COPB1: variants seen among roughly 807,000 people sequenced by gnomAD.
COPB1 encodes the protein coatomer subunit beta.
In COPB1, 21 loss-of-function variants were observed where a neutral mutation model predicts 108.7. The observed-to-expected ratio is 0.19, with a 90% CI of 0.14 to 0.28. The LOEUF is 0.28. COPB1 is among the 10% of genes least tolerant of loss of function. The probability of loss-of-function intolerance (pLI) is 1.00; values close to 1 mark genes in which losing one functional copy is unlikely to be tolerated. For synonymous variants in COPB1, 378 were observed against 386.8 expected (o/e 0.98, Z 0.27); for missense variants, 919 against 1,141.3 (o/e 0.81, Z 2.81).
intron 2 of COPB1, among the ~76,000 whole-genome samples, chr11:14,495,687 T>C (rs1851003203): frequency 6.6e-6 from 1 of 152,154 alleles, no homozygotes; most frequent in Non-Finnish European, 1.5e-5. Context: ...ATGGCAAAAA[T>C]ATACATTAAA....
intron 18 of COPB1, among the ~76,000 whole-genome samples, chr11:14,464,038 T>A (rs1455332380): frequency 6.6e-6 from 1 of 152,190 alleles, no homozygotes. Flanking sequence ...GTTTCCTCTC[T>A]CCACAGATAA....
chr11:14,470,319 G>A (rs1286786052), intron 14 of COPB1, among the ~76,000 whole-genome samples: 1 of 152,094 alleles, frequency 6.6e-6, no homozygotes, highest in East Asian at 1.9e-4. Flanking sequence ...ATTTCACCCT[G>A]TACTGCATCA....
intron 5 of COPB1, among the ~76,000 whole-genome samples, chr11:14,490,346 T>C (rs1194502668): frequency 6.6e-6 from 1 of 152,202 alleles, no homozygotes; most frequent in African/African-American, 2.4e-5. Context: ...CTAAAATGCC[T>C]CTTCAATGTT....
In COPB1 at chr11:14,494,383, G is replaced by A. The variant is rs1850971611; in HGVS notation, c.148C>T (p.Leu50=). The change falls in exon 3 of 22, where the codon CTG becomes TTG. Residue 50 remains leucine, a synonymous_variant. Coordinates refer to ENST00000439561, the MANE Select transcript of COPB1 (RefSeq NM_001144061.2). ...AGTCCAGGAAGTTTTTCACCATTCA[G>A]AATCATAATGATTACTTTCTTCAAA... is the stretch of plus-strand genomic sequence containing the variant. ...EALKKVIIMI[L]NGEKLPGLLM... is the part of the protein sequence containing the mutation. 1.9e-6 allele frequency: 3 copies of A among 1,612,154 alleles called. No individual in the cohort carries two copies. Among genetic ancestry groups the A allele is most frequent in the Non-Finnish European group, 2.5e-6 (3 of 1,178,838 alleles).
rs1188061910 is a variant in COPB1 at position 14,498,867 on chromosome 11, G to A, written c.62C>T (p.Pro21Leu). ...LINVPMDSEPPSEISLKNDLE... is the reference protein window; with the variant it reads ...LINVPMDSEPLSEISLKNDLE... ...ATCATTTTTTAAGCTAATTTCAGAT[G>A]GTGGTTCTGAATCCATTGGCACGTT... Residue 21 changes from proline (P) to leucine (L), a missense_variant, in exon 2 of 22, where the codon CCA becomes CTA. Pro to Leu is a moderately conservative substitution (Grantham distance 98, BLOSUM62 -3). This residue lies in a region of COPB1 where 92 missense variants were observed against 108.4 expected (regional missense o/e 0.85). Transcript: ENST00000439561. The A allele has an allele frequency of 1.2e-6, 2 of 1,606,698 alleles. No individual in the cohort carries two copies. Among genetic ancestry groups the A allele is most frequent in the Non-Finnish European group, 1.7e-6 (2 of 1,177,754 alleles).
In COPB1 at chr11:14,486,361, C is replaced by T. The variant is rs763338318; in HGVS notation, c.837+6G>A. 2.0e-5 allele frequency: 32 copies of T among 1,613,954 alleles called. No homozygotes were observed. The highest frequency in any genetic ancestry group is 2.5e-5 in the Non-Finnish European group (30 of 1,179,948). ...CTAATCTGGCCCCAAAAGAAATACA[C>T]AGTACCTTGATTGCAGTTGGTGCAC... On this transcript the variant is annotated splice_donor_region_variant and intron_variant, in intron 7 of 21. Transcript: ENST00000439561.
intron 2 of COPB1, 42 bp downstream of exon 2, chr11:14,498,792 GTTTT>G (rs1851083642): frequency 6.9e-7 from 1 of 1,455,468 alleles, no homozygotes; most frequent in Non-Finnish European, 9.3e-7. Flanking sequence ...TTTTATTTTT[GTTTT>G]TTCTTTTTTC....
chr11:14,487,704 A>C (rs1423995282), intron 6 of COPB1, among the ~76,000 whole-genome samples: 3 of 146,936 alleles, frequency 2.0e-5, no homozygotes, highest in African/African-American at 7.9e-5. Flanking sequence ...AAAAAAAAAC[A>C]AAAAAAAACT....
chr11:14,468,843 C>T lies in COPB1; in HGVS notation c.1983G>A (p.Arg661=), dbSNP rs139561241. ...KLSQKKESEK[R]NVTVQPDDPI... ...GGTCATCAGGCTGTACTGTCACATT[C>T]CTCTTTTCAGATTCTTTCTGTGTTG... Residue 661 remains arginine (R), a synonymous_variant, in exon 16 of 22, where the codon AGG becomes AGA. Transcript: ENST00000439561. The T allele has an allele frequency of 2.4e-4, 394 of 1,613,698 alleles. 2 individuals are homozygous for T. The African/African-American group carries it at 4.7e-3, about 19-fold the overall frequency.
At chr11:14,479,524 T>C (rs752449214) in intron 11 of COPB1, 45 bp downstream of exon 11, 1 of 1,549,562 alleles carries the variant, frequency 6.5e-7, no homozygotes, top group African/African-American at 1.4e-5. Flanking sequence ...TAAAAACTGA[T>C]AAAATGCTTA....
intron 12 of COPB1, 25 bp from the exon 13 acceptor site, chr11:14,475,970 T>G: frequency 1.9e-6 from 3 of 1,560,728 alleles, no homozygotes; most frequent in Non-Finnish European, 1.7e-6. Flanking sequence ...GAAACATCAT[T>G]TTAGTAATAG....
At chr11:14,475,990 C>T in intron 12 of COPB1, 45 bp from the exon 13 acceptor site, 1 of 1,453,416 alleles carries the variant, frequency 6.9e-7, no homozygotes, top group Non-Finnish European at 9.2e-7. Flanking sequence ...GTATCAACAG[C>T]AAGCAAAATT....
At chr11:14,492,382 T>C (rs911681760) in intron 4 of COPB1, among the ~76,000 whole-genome samples, 4 of 152,028 alleles carry the variant, frequency 2.6e-5, no homozygotes, top group African/African-American at 9.7e-5. Flanking sequence ...TTGGTTTTGT[T>C]GCCCAGGCTA....
rs1850971356 is a variant in COPB1 at position 14,494,373 on chromosome 11, T to C, written c.158A>G (p.Glu53Gly). 6.2e-7 allele frequency: 1 copy of C among 1,613,584 alleles called. No individual in the cohort carries two copies. Among genetic ancestry groups the C allele is most frequent in the African/African-American group, 1.3e-5 (1 of 75,024 alleles). ...KKVIIMILNGEKLPGLLMTII... is the reference protein window; with the variant it reads ...KKVIIMILNGGKLPGLLMTII... The stretch of plus-strand genomic sequence containing the variant: ...GGTCATCAGAAGTCCAGGAAGTTTT[T>C]CACCATTCAGAATCATAATGATTAC... The change falls in exon 3 of 22, where the codon GAA (glutamate) becomes GGA (glycine). Residue 53 changes from glutamate to glycine, a missense_variant. Around this residue, in one of 5 missense-constraint regions of COPB1, gnomAD observed 92 missense variants for 108.4 expected, o/e 0.85. Coordinates refer to ENST00000439561, the MANE Select transcript of COPB1 (RefSeq NM_001144061.2).
intron 13 of COPB1, among the ~76,000 whole-genome samples, chr11:14,475,129 T>C (rs941444474): frequency 6.7e-6 from 1 of 149,828 alleles, no homozygotes; most frequent in East Asian, 2.0e-4. Context: ...AGAAAACTTA[T>C]CTTTGAATGA....
chr11:14,477,932 G>A (rs1850564576), intron 11 of COPB1, among the ~76,000 whole-genome samples: 2 of 149,468 alleles, frequency 1.3e-5, no homozygotes, highest in Admixed American at 6.7e-5. Context: ...CCTGAATCCA[G>A]GAGGCGGAGG....
chr11:14,471,271 A>C, intron 14 of COPB1, among the ~76,000 whole-genome samples: 1 of 152,182 alleles, frequency 6.6e-6, no homozygotes, highest in East Asian at 1.9e-4. Flanking sequence ...AGTGCCAGTG[A>C]GATTATAAGC....
chr11:14,469,353 C>T lies in COPB1; in HGVS notation c.1948G>A (p.Glu650Lys), dbSNP rs778139308. ...TACCTTACCTTTTGGGATAATTTCT[C>T]TTCTTCTAGTTTAGCAGATAACATG... Reference protein sequence around the residue: ...SHMLSAKLEEEKLSQKKESEK... With the variant: ...SHMLSAKLEEKKLSQKKESEK... Residue 650 changes from glutamate (E) to lysine (K), a missense_variant, in exon 15 of 22, where the codon GAG (glutamate) becomes AAG (lysine). Physicochemically the swap from Glu to Lys is moderately conservative, Grantham distance 56. Around this residue, in one of 5 missense-constraint regions of COPB1, gnomAD observed 705 missense variants for 817.8 expected, o/e 0.86. Transcript: ENST00000439561. The T allele has an allele frequency of 1.4e-5, 23 of 1,613,716 alleles. No homozygotes were observed. Among genetic ancestry groups the T allele is most frequent in the African/African-American group, 2.7e-5 (2 of 74,906 alleles).
At chr11:14,464,208 C>T (rs1029187611) in intron 18 of COPB1, among the ~76,000 whole-genome samples, 5 of 152,182 alleles carry the variant, frequency 3.3e-5, no homozygotes, top group Non-Finnish European at 7.3e-5. Flanking sequence ...TAGTCTTCTA[C>T]TGAGCACTTG....
Sources: gnomAD v4.1 joint callset for allele counts (sites outside exome capture counted in the v4.1 genomes callset) on GRCh38, gnomAD v4.1.1 for gene constraint, gnomAD v4.1.1 regional missense constraint, MANE v1.5 for transcripts, NCBI Gene and HGNC (gene_info 2026-07-23, HGNC 2026-07-21) for gene names.